C1orf21: variants seen among roughly 807,000 people sequenced by gnomAD.
The protein encoded by C1orf21 is uncharacterized protein C1orf21.
A neutral mutation model predicts 18.7 loss-of-function variants in C1orf21; 3 were observed. The observed-to-expected ratio is 0.16, with a 90% CI of 0.07 to 0.42. The LOEUF (loss-of-function observed/expected upper bound fraction) is 0.42. C1orf21 is among the 10% of genes least tolerant of loss of function. The pLI is 0.99. For missense variants in C1orf21, 104 were observed against 143.6 expected, an observed-to-expected ratio of 0.72 and a Z score of 1.41; for synonymous variants, 41 against 46.4, an observed-to-expected ratio of 0.88 and a Z score of 0.47.
chr1:184,414,681 C>T (rs1185880753), intron 1 of C1orf21, among the ~76,000 whole-genome samples: 1 of 151,610 alleles, frequency 6.6e-6, no homozygotes, highest in Non-Finnish European at 1.5e-5. Flanking sequence ...AATAAATGTT[C>T]AAATTCCATG....
chr1:184,462,608 G>A (rs1416232941), intron 1 of C1orf21, among the ~76,000 whole-genome samples: 1 of 152,060 alleles, frequency 6.6e-6, no homozygotes, highest in Non-Finnish European at 1.5e-5. Context: ...TCTCAAATTG[G>A]TATTTATGAT....
intron 5 of C1orf21, among the ~76,000 whole-genome samples, chr1:184,611,534 A>G (rs914299873): frequency 6.6e-6 from 1 of 152,206 alleles, no homozygotes; most frequent in Admixed American, 6.5e-5. Context: ...GAACGTGGTT[A>G]TCTGCTCCTG....
At chr1:184,483,730 T>G (rs1417234157) in intron 2 of C1orf21, among the ~76,000 whole-genome samples, 2 of 152,198 alleles carry the variant, frequency 1.3e-5, no homozygotes, top group Non-Finnish European at 2.9e-5. Context: ...GTTTTTGGTC[T>G]GTTTTTACTT....
intron 3 of C1orf21, among the ~76,000 whole-genome samples, chr1:184,578,970 G>A (rs1487859996): frequency 6.8e-6 from 1 of 147,320 alleles, no homozygotes; most frequent in African/African-American, 2.5e-5. Context: ...CTGAGGACCT[G>A]GCATCCATCC....
chr1:184,398,219 G>C (rs1259407783), intron 1 of C1orf21, among the ~76,000 whole-genome samples: 1 of 152,180 alleles, frequency 6.6e-6, no homozygotes, highest in Non-Finnish European at 1.5e-5. Context: ...CCTAGGTACT[G>C]TGCTGAGTAC....
At chr1:184,495,532 A>C (rs945221362) in intron 2 of C1orf21, among the ~76,000 whole-genome samples, 3 of 152,104 alleles carry the variant, frequency 2.0e-5, no homozygotes, top group African/African-American at 7.2e-5. Context: ...AATTAACGTC[A>C]ATATACTTAC....
Position 184,551,679 on chromosome 1 carries a change from G to T in C1orf21, c.190-39060G>T, listed in dbSNP as rs529347950. On this transcript the variant is annotated intron_variant, in intron 3 of 5. Transcript: ENST00000235307. ...TGTTTGGCAAGAGGGTGGATCCATC[G>T]CCTCATCTGGGCAGAAATGAATTGG... is the stretch of plus-strand genomic sequence containing the variant. Among the ~76,000 whole-genome samples, 6 of 152,228 alleles carry T rather than the reference G, an allele frequency of 3.9e-5. No homozygotes were observed. The South Asian group carries it at 1.2e-3, about 32-fold the overall frequency.
chr1:184,520,341 G>A (rs1658289650), intron 3 of C1orf21, among the ~76,000 whole-genome samples: 1 of 152,118 alleles, frequency 6.6e-6, no homozygotes, highest in Non-Finnish European at 1.5e-5. Context: ...TTTTACAGTT[G>A]AGTGCATAAA....
chr1:184,571,813 G>T (rs1349848472), intron 3 of C1orf21, among the ~76,000 whole-genome samples: 1 of 152,178 alleles, frequency 6.6e-6, no homozygotes, highest in Non-Finnish European at 1.5e-5. Flanking sequence ...GCCTTTTTAA[G>T]AATGTAAAGT....
intron 2 of C1orf21, among the ~76,000 whole-genome samples, chr1:184,497,572 A>T (rs935611376): frequency 2.0e-5 from 3 of 152,224 alleles, no homozygotes; most frequent in Non-Finnish European, 4.4e-5. Context: ...TCAAGTCATG[A>T]ATATTTTTTA....
chr1:184,520,098 G>T (rs1381870679), intron 3 of C1orf21, among the ~76,000 whole-genome samples: 1 of 152,164 alleles, frequency 6.6e-6, no homozygotes, highest in Non-Finnish European at 1.5e-5. Context: ...TAGGATTAAT[G>T]TATTTACTCA....
intron 1 of C1orf21, among the ~76,000 whole-genome samples, chr1:184,463,417 A>G (rs577792781): frequency 2.0e-5 from 3 of 152,314 alleles, no homozygotes; most frequent in African/African-American, 7.2e-5. Flanking sequence ...GTGTAATTAT[A>G]CTCTCAACAT....
At chr1:184,433,255 C>T (rs1656798454) in intron 1 of C1orf21, among the ~76,000 whole-genome samples, 1 of 152,190 alleles carries the variant, frequency 6.6e-6, no homozygotes, top group Non-Finnish European at 1.5e-5. Context: ...CTTTCTTCTT[C>T]TCCTCAGAGT....
chr1:184,514,684 C>T (rs1300972118), intron 3 of C1orf21, among the ~76,000 whole-genome samples: 3 of 152,156 alleles, frequency 2.0e-5, no homozygotes, highest in Non-Finnish European at 4.4e-5. Flanking sequence ...TTGCACAAGA[C>T]TAGTTCACTA....
Position 184,500,198 on chromosome 1 carries a change from G to A in C1orf21, c.95-7390G>A, listed in dbSNP as rs561909551. Among the ~76,000 whole-genome samples the A allele has an allele frequency of 7.7e-4, 117 of 152,296 alleles. No individual in the cohort carries two copies. In the Middle Eastern group the frequency reaches 0.02, roughly 27 times the overall value. Reference sequence around the variant, plus strand: ...CAGTGCACCTTCCTAAAAGAGTCCAGGCTGGATTTGGATCTGGTTGTGTCT... The same window carrying A: ...CAGTGCACCTTCCTAAAAGAGTCCAAGCTGGATTTGGATCTGGTTGTGTCT... On this transcript the variant is annotated intron_variant, in intron 2 of 5. Transcript: ENST00000235307.
intron 1 of C1orf21, among the ~76,000 whole-genome samples, chr1:184,471,917 A>G (rs1471899056): frequency 3.3e-5 from 5 of 152,100 alleles, no homozygotes; most frequent in Non-Finnish European, 5.9e-5. Context: ...ACTTTTCTAG[A>G]TTATTCTCAT....
chr1:184,554,970 T>G (rs1464718389), intron 3 of C1orf21, among the ~76,000 whole-genome samples: 1 of 152,120 alleles, frequency 6.6e-6, no homozygotes, highest in African/African-American at 2.4e-5. Context: ...CTGGCTAGAG[T>G]AGCCTCTATC....
At chr1:184,566,316 T>C (rs913859394) in intron 3 of C1orf21, among the ~76,000 whole-genome samples, 4 of 152,202 alleles carry the variant, frequency 2.6e-5, no homozygotes, top group Non-Finnish European at 5.9e-5. Context: ...CCCTTTTGGT[T>C]TGCTGCCTCG....
In C1orf21 at chr1:184,489,771, T is replaced by C. The variant is rs149409276; in HGVS notation, c.94+12168T>C. ...AGCATATCTTGTTTGTAAATTTTACTTGTTTAAAATATATGTAAAATTCTG... is the reference window on the plus strand; with the variant it reads ...AGCATATCTTGTTTGTAAATTTTACCTGTTTAAAATATATGTAAAATTCTG... On this transcript the variant is annotated intron_variant, in intron 2 of 5. Coordinates refer to ENST00000235307, the MANE Select transcript of C1orf21 (RefSeq NM_030806.4). Among the ~76,000 whole-genome samples the C allele has an allele frequency of 2.5e-3, 382 of 152,358 alleles. 1 individual carries two copies. Among genetic ancestry groups the C allele is most frequent in the African/African-American group, 8.8e-3 (367 of 41,578 alleles).
Sources: gnomAD v4.1 joint callset for allele counts (sites outside exome capture counted in the v4.1 genomes callset) on GRCh38, gnomAD v4.1.1 for gene constraint, MANE v1.5 for transcripts, NCBI Gene and HGNC (gene_info 2026-07-23, HGNC 2026-07-21) for gene names.